The following SOX6 variants were observed in gnomAD, a reference collection of about 807,000 sequenced individuals.
SOX6 encodes transcription factor SOX-6.
A neutral mutation model predicts 97.8 loss-of-function variants in SOX6; 11 were observed. The observed-to-expected ratio is 0.11, with a 90% confidence interval of 0.07 to 0.19. SOX6 has a LOEUF of 0.19. Among genes scored for constraint, SOX6 ranks in the 10% least tolerant of loss-of-function variants. SOX6 has a pLI of 1.00. For missense variants in SOX6, 810 were observed against 1,039.5 expected (o/e 0.78, Z 3.04); for synonymous variants, 360 against 371.4 (o/e 0.97, Z 0.35).
chr11:16,128,260 C>G (rs1849655666), intron 6 of SOX6, among the ~76,000 whole-genome samples: 1 of 152,110 alleles, frequency 6.6e-6, no homozygotes, highest in Non-Finnish European at 1.5e-5. Context: ...TTATATTTTT[C>G]ATAATGCTTA....
intron 6 of SOX6, among the ~76,000 whole-genome samples, chr11:16,151,882 T>C (rs1262534642): frequency 6.6e-6 from 1 of 152,170 alleles, no homozygotes; most frequent in Non-Finnish European, 1.5e-5. Context: ...AACTGCTAAA[T>C]AACAAATTCA....
intron 3 of SOX6, chr11:16,264,622 T>A (rs1445047390): frequency 6.6e-6 from 1 of 151,862 alleles, no homozygotes; most frequent in African/African-American, 2.4e-5. Context: ...AAAGTGTATA[T>A]GTTGTTTTGA....
At chr11:16,609,003 CTAAA>C (rs1262333728) in intron 4 of SOX6, among the ~76,000 whole-genome samples, 7 of 152,020 alleles carry the variant, frequency 4.6e-5, no homozygotes, top group Admixed American at 2.0e-4. Flanking sequence ...CAGACAAAAC[CTAAA>C]TAAAGATTCC....
rs1471504980 is a variant in SOX6 at position 15,966,622 on chromosome 11, C to T, written c.*6187G>A. 1 of 152,130 alleles carries T rather than the reference C, an allele frequency of 6.6e-6. No homozygotes were observed. Among genetic ancestry groups the T allele is most frequent in the African/African-American group, 2.4e-5 (1 of 41,410 alleles). 9.4% of individuals were successfully genotyped at this position (152,130 alleles called of 1,614,324 possible). On this transcript the variant is annotated 3_prime_UTR_variant, in exon 16 of 16. Coordinates refer to ENST00000683767, the MANE Select transcript of SOX6 (RefSeq NM_001367873.1). ...AGCCCCATCACGGCATATACATTAT[C>T]ACCCAAAGATGGCATGTTGAACATA...
At chr11:16,168,557 T>G (rs566382110) in intron 6 of SOX6, among the ~76,000 whole-genome samples, 6 of 152,320 alleles carry the variant, frequency 3.9e-5, no homozygotes, top group African/African-American at 1.4e-4. Context: ...TAAAATATAC[T>G]TTCTTATGGA....
intron 3 of SOX6, among the ~76,000 whole-genome samples, chr11:16,246,011 A>G (rs1853324714): frequency 6.6e-6 from 1 of 150,634 alleles, no homozygotes; most frequent in Non-Finnish European, 1.5e-5. Flanking sequence ...TGGCTTTTTA[A>G]TTATTATTTT....
At chr11:16,652,022 C>T (rs1299043223) in intron 3 of SOX6, among the ~76,000 whole-genome samples, 7 of 151,498 alleles carry the variant, frequency 4.6e-5, no homozygotes, top group Admixed American at 3.9e-4. Flanking sequence ...ACAACAGCTG[C>T]AAAAAAATAT....
intron 1 of SOX6, among the ~76,000 whole-genome samples, chr11:16,348,258 C>T (rs1411661546): frequency 6.6e-6 from 1 of 152,068 alleles, no homozygotes; most frequent in Non-Finnish European, 1.5e-5. Flanking sequence ...GCCAGGAGCT[C>T]TTAGTACTGT....
At chr11:15,986,692 C>T (rs1237675736) in intron 14 of SOX6, among the ~76,000 whole-genome samples, 2 of 152,176 alleles carry the variant, frequency 1.3e-5, no homozygotes, top group Non-Finnish European at 2.9e-5. Context: ...AGATCATTGC[C>T]TACACCAAGG....
At chr11:16,034,819 C>T (rs949963685) in intron 12 of SOX6, among the ~76,000 whole-genome samples, 1 of 152,072 alleles carries the variant, frequency 6.6e-6, no homozygotes, top group African/African-American at 2.4e-5. Context: ...CCAGACATAC[C>T]TACAGACATA....
chr11:16,556,501 T>C (rs1847750573), intron 4 of SOX6, among the ~76,000 whole-genome samples: 1 of 151,760 alleles, frequency 6.6e-6, no homozygotes, highest in Non-Finnish European at 1.5e-5. Context: ...ATCCTCTTTA[T>C]AGAAATAGTT....
rs1269454285 is a variant in SOX6 at position 16,485,532 on chromosome 11, C to A, written n.610-9144G>T. ...AAGTCATGAGGTCAGGAGTTTGAGA[C>A]CAGCCTGGTCAACATGGTGAAACCC... On this transcript the variant is annotated intron_variant and non_coding_transcript_variant, in intron 4 of 5. Transcript: ENST00000524520. 2.0e-5 allele frequency among the ~76,000 whole-genome samples: 3 copies of A among 151,970 alleles called. 1 individual carries two copies. The highest frequency in any genetic ancestry group is 1.3e-4 in the Admixed American group (2 of 15,266).
chr11:16,157,920 A>G (rs1037462745), intron 6 of SOX6, among the ~76,000 whole-genome samples: 5 of 151,814 alleles, frequency 3.3e-5, no homozygotes, highest in Admixed American at 2.0e-4. Flanking sequence ...AGCCTCCCTT[A>G]CTCTATCAAT....
intron 4 of SOX6, among the ~76,000 whole-genome samples, chr11:16,495,478 C>A (rs532243843): frequency 6.6e-6 from 1 of 152,156 alleles, no homozygotes; most frequent in African/African-American, 2.4e-5. Context: ...TATCCACCAC[C>A]ACTGGCTCCC....
chr11:16,704,819 G>C (rs1848119657), intron 3 of SOX6, among the ~76,000 whole-genome samples: 1 of 152,094 alleles, frequency 6.6e-6, no homozygotes, highest in African/African-American at 2.4e-5. Context: ...GGATAAACTA[G>C]GTTACAAATT....
intron 3 of SOX6, among the ~76,000 whole-genome samples, chr11:16,249,326 T>C (rs1179861843): frequency 6.6e-6 from 1 of 152,108 alleles, no homozygotes; most frequent in Non-Finnish European, 1.5e-5. Context: ...GTTCCACAAA[T>C]CTCTAGGGCA....
At chr11:16,581,562 G>A (rs569138236) in intron 4 of SOX6, among the ~76,000 whole-genome samples, 1 of 152,252 alleles carries the variant, frequency 6.6e-6, no homozygotes, top group Admixed American at 6.5e-5. Context: ...GTATACCTGT[G>A]TAACAAACCT....
intron 2 of SOX6, among the ~76,000 whole-genome samples, chr11:16,718,951 G>C (rs917047276): frequency 5.5e-5 from 8 of 144,462 alleles, no homozygotes; most frequent in African/African-American, 2.1e-4. Flanking sequence ...GGGCAACATG[G>C]CAAAACCTTT....
chr11:16,253,693 A>T (rs902589159), intron 3 of SOX6, among the ~76,000 whole-genome samples: 4 of 152,138 alleles, frequency 2.6e-5, no homozygotes, highest in African/African-American at 9.6e-5. Flanking sequence ...GACTGGAAAA[A>T]AAAACCCAGA....
Sources: gnomAD v4.1 joint callset for allele counts (sites outside exome capture counted in the v4.1 genomes callset) on GRCh38, gnomAD v4.1.1 for gene constraint, MANE v1.5 for transcripts, NCBI Gene and HGNC (gene_info 2026-07-23, HGNC 2026-07-21) for gene names.